Variants in CACNG6 observed in about 807,000 individuals in gnomAD.
The protein encoded by CACNG6 is voltage-dependent calcium channel gamma-6 subunit.
CACNG6 carries 21 observed loss-of-function variants against 23.9 expected under a neutral mutation model. The observed-to-expected ratio is 0.88, with a 90% CI of 0.62 to 1.26. The LOEUF is 1.26. Ranked by LOEUF, CACNG6 falls within the 50% of genes most tolerant of loss-of-function variation. CACNG6 has a pLI of 0.00. For synonymous variants in CACNG6, 182 were observed against 168.9 expected, an observed-to-expected ratio of 1.08 and a Z score of -0.60; for missense variants, 340 against 352.9, an observed-to-expected ratio of 0.96 and a Z score of 0.29.
chr19:54,005,610 C>T (rs462095), intron 3 of CACNG6, among the ~76,000 whole-genome samples: 107,030 of 147,502 alleles, frequency 0.73, 39,383 homozygotes, highest in East Asian at 0.95. Flanking sequence ...AAAAATTAGG[C>T]GGGCATGGTG....
intron 1 of CACNG6, among the ~76,000 whole-genome samples, chr19:53,997,212 C>A (rs568505615): frequency 6.6e-6 from 1 of 152,104 alleles, no homozygotes; most frequent in South Asian, 2.1e-4. Context: ...TATTAATTAT[C>A]ATTATTGTTT....
In CACNG6 at chr19:53,991,965, C is replaced by A. The variant is rs1460145055; in HGVS notation, c.-913C>A. ...CCCATAGTGTGAGCCCCAGGAGGGCCCCCGGTCCCATCTGCCCCAGCCCTC... is the reference window on the plus strand; with the variant it reads ...CCCATAGTGTGAGCCCCAGGAGGGCACCCGGTCCCATCTGCCCCAGCCCTC... On this transcript the variant is annotated 5_prime_UTR_variant, in exon 1 of 4. Transcript: ENST00000252729. Among the ~76,000 whole-genome samples, 1 of 152,060 alleles carries A rather than the reference C, an allele frequency of 6.6e-6. No individual in the cohort carries two copies. Among genetic ancestry groups the A allele is most frequent in the Non-Finnish European group, 1.5e-5 (1 of 68,000 alleles).
At position 54,007,481 on chromosome 19, in the gene CACNG6, C is replaced by T. The variant is rs80333447; in HGVS notation, c.545-4470C>T. Among the ~76,000 whole-genome samples the T allele has an allele frequency of 9.4e-3, 1,432 of 152,328 alleles. 24 individuals carry two copies. Among genetic ancestry groups the T allele is most frequent in the African/African-American group, 0.033 (1,387 of 41,566 alleles). ...ACAGTGCATTTAACTGATAATTGTC[C>T]ATCTCTCCTTCTTGGATGAAACTCC... is the stretch of plus-strand genomic sequence containing the variant. On this transcript the variant is annotated intron_variant, in intron 3 of 3. Transcript: ENST00000252729.
intron 3 of CACNG6, among the ~76,000 whole-genome samples, chr19:54,005,961 G>T (rs1236767649): frequency 6.7e-6 from 1 of 149,380 alleles, no homozygotes; most frequent in African/African-American, 2.5e-5. Context: ...GTGGCGGCGG[G>T]TGCCTGTAAT....
In CACNG6 at chr19:53,996,961, C is replaced by T. The variant is rs2069527082; in HGVS notation, c.332-1278C>T. Among the ~76,000 whole-genome samples, 4 of 150,256 alleles carry T rather than the reference C, an allele frequency of 2.7e-5. No individual in the cohort carries two copies. The Admixed American group carries it at 2.7e-4, about 10-fold the overall frequency. On this transcript the variant is annotated intron_variant, in intron 1 of 3. Coordinates refer to ENST00000252729, the MANE Select transcript of CACNG6 (RefSeq NM_145814.2). Reference sequence around the variant, plus strand: ...TTGGCTCACTGCAACCTCTGCCTCCCAGGCTGAAGGGATCCTCTTGCCTCA... The same window carrying T: ...TTGGCTCACTGCAACCTCTGCCTCCTAGGCTGAAGGGATCCTCTTGCCTCA...
At chr19:54,003,107 T>G (rs287133) in intron 3 of CACNG6, among the ~76,000 whole-genome samples, 8 of 152,178 alleles carry the variant, frequency 5.3e-5, no homozygotes, top group South Asian at 2.1e-4. Context: ...CCACTGTAGA[T>G]TTAGGTGGCA....
chr19:54,006,517 C>CTTTCTTTTTTTTTTT (rs2069646652), intron 3 of CACNG6, among the ~76,000 whole-genome samples: 11 of 107,334 alleles, frequency 1.0e-4, no homozygotes, highest in African/African-American at 3.8e-4. Flanking sequence ...TTCCTTCTTT[C>CTTTCTTTTTTTTTTT]TTTTCTTTTT....
chr19:53,993,443 T>G (rs1007455014), intron 1 of CACNG6, among the ~76,000 whole-genome samples: 2 of 152,052 alleles, frequency 1.3e-5, no homozygotes, highest in Non-Finnish European at 2.9e-5. Flanking sequence ...CCAGAGAACC[T>G]GTGCCTTAGA....
chr19:54,009,108 G>A (rs2069676837), intron 3 of CACNG6, among the ~76,000 whole-genome samples: 1 of 152,140 alleles, frequency 6.6e-6, no homozygotes, highest in African/African-American at 2.4e-5. Flanking sequence ...GGCCAACATG[G>A]TGAAACCATG....
chr19:54,010,447 G>C (rs1448527083), intron 3 of CACNG6, among the ~76,000 whole-genome samples: 4 of 152,128 alleles, frequency 2.6e-5, no homozygotes, highest in Admixed American at 6.6e-5. Flanking sequence ...GCCGCTAATG[G>C]AGTCTTAATT....
At chr19:54,002,266 G>GTTTT (rs1477319879) in intron 3 of CACNG6, among the ~76,000 whole-genome samples, 1 of 126,390 alleles carries the variant, frequency 7.9e-6, no homozygotes, top group African/African-American at 3.8e-5. Flanking sequence ...GCTAATTTTC[G>GTTTT]GTTTTTTTGT....
At chr19:54,002,284 G>GTTTTTTTTTTTT (rs139176353) in intron 3 of CACNG6, among the ~76,000 whole-genome samples, 1 of 117,424 alleles carries the variant, frequency 8.5e-6, no homozygotes, top group African/African-American at 4.0e-5. Context: ...TGTTTTTTTT[G>GTTTTTTTTTTTT]TTTTTTTTTT....
chr19:54,012,023 A>G lies in CACNG6; in HGVS notation c.617A>G (p.Glu206Gly). The change falls in exon 4 of 4, where the codon GAG (glutamate) becomes GGG (glycine). Residue 206 changes from glutamate to glycine, a missense_variant. By Grantham distance (98) the Glu-to-Gly change is moderately conservative. Transcript: ENST00000252729. ...GCCCTGCTGCAGAGAGTCAGCCCGG[A>G]GCCTCCCCCGGCCCCACGCCTCACC... ...VRALLQRVSP[E>G]PPPAPRLTYE... The G allele has an allele frequency of 6.2e-7, 1 of 1,605,024 alleles. No homozygotes were observed.
At chr19:53,995,499 C>T (rs531301434) in intron 1 of CACNG6, among the ~76,000 whole-genome samples, 1 of 152,184 alleles carries the variant, frequency 6.6e-6, no homozygotes, top group South Asian at 2.1e-4. Context: ...TGGGGGTGGT[C>T]GAATTGGGAT....
At chr19:54,011,916 G>A (rs1278966913) in intron 3 of CACNG6, 35 bp from the exon 4 acceptor site, 2 of 1,394,382 alleles carry the variant, frequency 1.4e-6, no homozygotes, top group East Asian at 2.7e-5. Context: ...CTGGGGTCGC[G>A]GGCGTCTGAC....
chr19:54,000,063 C>G (rs2069561026), intron 3 of CACNG6, among the ~76,000 whole-genome samples: 1 of 152,090 alleles, frequency 6.6e-6, no homozygotes, highest in African/African-American at 2.4e-5. Context: ...ACCCCAACAA[C>G]CGGGCTAAGG....
intron 3 of CACNG6, among the ~76,000 whole-genome samples, chr19:54,002,288 T>TTG (rs1555818501): frequency 3.4e-5 from 5 of 146,198 alleles, no homozygotes; most frequent in East Asian, 3.9e-4. Context: ...TTTTTTGTTT[T>TTG]TTTTTTTTTT....
intron 1 of CACNG6, 22 bp downstream of exon 1, chr19:53,993,230 C>G: frequency 1.3e-6 from 2 of 1,524,916 alleles, no homozygotes; most frequent in Middle Eastern, 2.1e-4. Flanking sequence ...CCGCCCCGAG[C>G]GCAGGGCTTG....
At chr19:53,996,165 G>A (rs1317928387) in intron 1 of CACNG6, among the ~76,000 whole-genome samples, 1 of 152,026 alleles carries the variant, frequency 6.6e-6, no homozygotes, top group Admixed American at 6.6e-5. Context: ...GGACTGCCTG[G>A]TCCCTCTTCT....
Sources: allele counts gnomAD v4.1 joint callset (sites outside exome capture counted in the v4.1 genomes callset), GRCh38; gene constraint gnomAD v4.1.1; transcripts MANE v1.5; gene names NCBI Gene and HGNC (gene_info 2026-07-23, HGNC 2026-07-21).